NSUN7: variants seen among roughly 807,000 people sequenced by gnomAD.
The protein encoded by NSUN7 is protein NSUN7.
A neutral mutation model predicts 58.5 loss-of-function variants in NSUN7; 39 were observed. The observed-to-expected ratio is 0.67, with a 90% CI of 0.52 to 0.87. NSUN7 has a LOEUF of 0.87. NSUN7 is among the 40% of genes least tolerant of loss of function. NSUN7 has a pLI of 0.00. For missense variants in NSUN7, 765 were observed against 844.1 expected (o/e 0.91, Z 1.16); for synonymous variants, 278 against 303.7 (o/e 0.92, Z 0.88).
chr4:40,796,746 C>T (rs1337154938), intron 9 of NSUN7, among the ~76,000 whole-genome samples: 1 of 152,206 alleles, frequency 6.6e-6, no homozygotes, highest in South Asian at 2.1e-4. Context: ...ATCTCCTATA[C>T]TCTGGTCTCC....
chr4:40,795,124 T>G (rs921567843), intron 9 of NSUN7, among the ~76,000 whole-genome samples: 1 of 152,192 alleles, frequency 6.6e-6, no homozygotes, highest in African/African-American at 2.4e-5. Context: ...TTAAGCTGTA[T>G]GTAAGGTGTA....
At chr4:40,786,104 A>C in intron 7 of NSUN7, 4 of 1,551,638 alleles carry the variant, frequency 2.6e-6, no homozygotes, top group South Asian at 2.5e-5. Context: ...ATTTATTTGC[A>C]CCTGGAAATG....
At chr4:40,770,282 T>G (rs1327314722) in intron 4 of NSUN7, among the ~76,000 whole-genome samples, 1 of 151,654 alleles carries the variant, frequency 6.6e-6, no homozygotes, top group African/African-American at 2.4e-5. Context: ...GAGAAATGTG[T>G]CGTTAGGTGA....
chr4:40,776,770 T>G (rs1251115551), intron 7 of NSUN7, among the ~76,000 whole-genome samples: 1 of 152,004 alleles, frequency 6.6e-6, no homozygotes, highest in Admixed American at 6.6e-5. Flanking sequence ...CTCATGCCAC[T>G]ATGCGTGGCT....
intron 4 of NSUN7, among the ~76,000 whole-genome samples, chr4:40,764,237 C>A (rs1457358157): frequency 8.4e-6 from 1 of 119,712 alleles, no homozygotes; most frequent in Non-Finnish European, 1.7e-5. Flanking sequence ...CTCCCCCCAC[C>A]CCACAACAGT....
At chr4:40,780,032 A>G (rs1468986377) in intron 7 of NSUN7, among the ~76,000 whole-genome samples, 1 of 152,184 alleles carries the variant, frequency 6.6e-6, no homozygotes, top group Non-Finnish European at 1.5e-5. Flanking sequence ...CTGTAATCCT[A>G]GCACTTTAGG....
chr4:40,803,117 C>T lies in NSUN7; in HGVS notation c.1401-3944C>T, dbSNP rs575054540. 6.8e-4 allele frequency among the ~76,000 whole-genome samples: 103 copies of T among 151,942 alleles called. 1 individual carries two copies. Among genetic ancestry groups the T allele is most frequent in the African/African-American group, 2.4e-3 (99 of 41,426 alleles). The stretch of plus-strand genomic sequence containing the variant: ...CATGTCCCTACAAAGGACATGAACT[C>T]ATCATTTTTTATGGCTGTATAGTAT... On this transcript the variant is annotated intron_variant, in intron 10 of 11. Coordinates refer to ENST00000381782, the MANE Select transcript of NSUN7 (RefSeq NM_024677.6).
chr4:40,761,901 T>C (rs1741479711), intron 4 of NSUN7, among the ~76,000 whole-genome samples: 2 of 152,208 alleles, frequency 1.3e-5, no homozygotes, highest in Admixed American at 1.3e-4. Context: ...TCAGTAAATG[T>C]TAAGTGTTAC....
rs1560559684 is a variant in NSUN7, at chr4:40,790,063, C to CGT, written c.1037-539_1037-538insGT. Among the ~76,000 whole-genome samples, 363 of 84,076 alleles carry CGT rather than the reference C, an allele frequency of 4.3e-3. 1 individual carries two copies. Among genetic ancestry groups the CGT allele is most frequent in the African/African-American group, 0.016 (348 of 22,046 alleles). 55.2% of individuals were successfully genotyped at this position (84,076 alleles called of 152,430 possible). On this transcript the variant is annotated intron_variant, in intron 7 of 11. Transcript: ENST00000381782. The stretch of plus-strand genomic sequence containing the variant: ...AAGTGCTTCTGATAACCCTCCCCCA[C>CGT]CTTTTTTTTTTTTTTTTTTCTGGAG...
At chr4:40,793,301 G>A (rs1052901381) in intron 8 of NSUN7, among the ~76,000 whole-genome samples, 8 of 152,054 alleles carry the variant, frequency 5.3e-5, no homozygotes, top group Non-Finnish European at 1.2e-4. Context: ...AATTAGCCGG[G>A]CATCATGGTG....
At chr4:40,781,189 C>T (rs777492838) in intron 7 of NSUN7, among the ~76,000 whole-genome samples, 8 of 151,900 alleles carry the variant, frequency 5.3e-5, no homozygotes, top group Admixed American at 5.3e-4. Flanking sequence ...GCCTCAATCT[C>T]CTGAGTAGCA....
intron 8 of NSUN7, among the ~76,000 whole-genome samples, chr4:40,792,929 T>C (rs1743160007): frequency 6.6e-6 from 1 of 152,110 alleles, no homozygotes. Context: ...TTATTAAACT[T>C]AGATACAAGG....
chr4:40,753,589 A>G (rs1255559701), intron 2 of NSUN7, among the ~76,000 whole-genome samples: 1 of 152,172 alleles, frequency 6.6e-6, no homozygotes, highest in East Asian at 1.9e-4. Context: ...ATTGTCATAA[A>G]CCTTTATGAA....
chr4:40,781,180 C>A (rs1289248106), intron 7 of NSUN7, among the ~76,000 whole-genome samples: 1 of 151,978 alleles, frequency 6.6e-6, no homozygotes, highest in Admixed American at 6.6e-5. Flanking sequence ...AATTCTCATG[C>A]CTCAATCTCC....
rs752732903 is a variant in NSUN7 at position 40,761,158 on chromosome 4, T to C, written c.358-13T>C. The C allele has an allele frequency of 1.3e-6, 2 of 1,565,578 alleles. No individual in the cohort carries two copies. The highest frequency in any genetic ancestry group is 8.6e-7 in the Non-Finnish European group (1 of 1,159,500). On this transcript the variant is annotated splice_polypyrimidine_tract_variant and intron_variant, in intron 3 of 11. Transcript: ENST00000381782. ...TTTGTATACTTTTCTTTATATATGT[T>C]TTCCCTTGTTAGCCAGATCATTTGA...
chr4:40,806,275 G>A lies in NSUN7; in HGVS notation c.1401-786G>A, dbSNP rs549175642. On this transcript the variant is annotated intron_variant, in intron 10 of 11. Transcript: ENST00000381782. ...CTCCCAAAGTGCTGGGATTACAGGC[G>A]TAAGCCACGGCACCTGGCCAGGACA... Among the ~76,000 whole-genome samples the A allele has an allele frequency of 6.6e-5, 10 of 152,296 alleles. No homozygotes were observed. The East Asian group carries it at 1.3e-3, about 21-fold the overall frequency.
intron 2 of NSUN7, among the ~76,000 whole-genome samples, chr4:40,759,155 C>T (rs1741317389): frequency 6.6e-6 from 1 of 151,856 alleles, no homozygotes; most frequent in Non-Finnish European, 1.5e-5. Flanking sequence ...ACTAAAAATA[C>T]AAAAATTAGT....
chr4:40,773,932 G>A (rs938477326), intron 4 of NSUN7, among the ~76,000 whole-genome samples: 1 of 151,978 alleles, frequency 6.6e-6, no homozygotes, highest in African/African-American at 2.4e-5. Context: ...CCGAGTAGCT[G>A]GGATTACAGG....
rs1290372960 is a variant in NSUN7, at chr4:40,775,207, A to T, written c.825+257A>T. On this transcript the variant is annotated intron_variant, in intron 6 of 11. Transcript: ENST00000381782. This position sits in a 1 kb window ranked among gnomAD's most constrained non-coding sequence, Gnocchi z 4.3. ...GAATGGGAAGATTTGCATTGCTGGC[A>T]GCTGTAAGGTTCTACTTTTCTCCCC... is the stretch of plus-strand genomic sequence containing the variant. The T allele has an allele frequency of 4.9e-6, 1 of 204,182 alleles. No individual in the cohort carries two copies. 12.6% of individuals were successfully genotyped at this position (204,182 alleles called of 1,614,324 possible). A position where few individuals can be genotyped will look rare whatever the true frequency, so the allele number is the denominator to read the frequency against.
Sources: gnomAD v4.1 joint callset for allele counts (sites outside exome capture counted in the v4.1 genomes callset) on GRCh38, gnomAD v4.1.1 for gene constraint, Gnocchi (gnomAD v3.1) non-coding constraint, MANE v1.5 for transcripts, NCBI Gene and HGNC (gene_info 2026-07-23, HGNC 2026-07-21) for gene names.